The following ACP7 variants were observed in gnomAD, a reference collection of about 807,000 sequenced individuals.
ACP7 encodes acid phosphatase 7, tartrate resistant (putative), also known as acid phosphatase type 7.
In ACP7, 58 loss-of-function variants were observed where a neutral mutation model predicts 60.6. That is an observed-to-expected ratio of 0.96 (90% CI 0.77 to 1.19). The LOEUF (loss-of-function observed/expected upper bound fraction) is 1.19, where lower values mean the gene tolerates loss of function less well. ACP7 is among the 50% of genes most tolerant of loss of function. The probability of loss-of-function intolerance (pLI) is 0.00; values close to 1 mark genes in which losing one functional copy is unlikely to be tolerated. For missense variants in ACP7, 574 were observed against 596.2 expected (o/e 0.96, Z 0.39); for synonymous variants, 237 against 232.6 (o/e 1.02, Z -0.17).
chr19:39,084,448 C>G (rs939178969), intron 1 of ACP7, 48 bp downstream of exon 1: 1 of 152,016 alleles, frequency 6.6e-6, no homozygotes, highest in East Asian at 2.0e-4. Context: ...TGGTCCCGAC[C>G]CGGCTCCATC....
Position 39,106,985 on chromosome 19 carries a change from G to A in ACP7, c.1152G>A (p.Pro384=), listed in dbSNP as rs757080332. The A allele has an allele frequency of 8.7e-6, 14 of 1,613,858 alleles. No individual in the cohort carries two copies. Among genetic ancestry groups the A allele is most frequent in the African/African-American group, 2.7e-5 (2 of 74,906 alleles). The change falls in exon 12 of 13, where the codon CCG becomes CCA. Residue 384 remains proline (P), a synonymous_variant. Transcript: ENST00000331256. ...EERLTPFAVF[P]RPWSAVRVKE... is the part of the protein sequence containing the mutation. Reference sequence around the variant, plus strand: ...GGCTGACGCCCTTTGCTGTCTTCCCGAGGCCCTGGAGTGCCGTGCGTGTGA... The same window carrying A: ...GGCTGACGCCCTTTGCTGTCTTCCCAAGGCCCTGGAGTGCCGTGCGTGTGA...
Position 39,085,501 on chromosome 19 carries a change from C to T in ACP7, c.121+111C>T, listed in dbSNP as rs878998778. The T allele has an allele frequency of 1.3e-5, 18 of 1,335,858 alleles. No individual in the cohort carries two copies. The South Asian group carries it at 2.6e-4, about 19-fold the overall frequency. 82.8% of individuals were successfully genotyped at this position (1,335,858 alleles called of 1,614,324 possible). ...TGAGCCCCTAGGCGGGTGGCTCATT[C>T]CTCCTGAGCCTCCATCATCCACCTC... On this transcript the variant is annotated intron_variant, in intron 2 of 12. Transcript: ENST00000331256.
intron 2 of ACP7, among the ~76,000 whole-genome samples, chr19:39,089,388 T>A (rs967259305): frequency 3.9e-5 from 6 of 152,186 alleles, no homozygotes; most frequent in African/African-American, 1.4e-4. Context: ...CTTTTAAATT[T>A]TGTACTACTT....
At chr19:39,094,379 T>C (rs1389177320) in intron 2 of ACP7, among the ~76,000 whole-genome samples, 1 of 151,972 alleles carries the variant, frequency 6.6e-6, no homozygotes, top group African/African-American at 2.4e-5. Context: ...GGCACGCACC[T>C]GTAATCCCAG....
chr19:39,093,801 A>G (rs1419827281), intron 2 of ACP7, among the ~76,000 whole-genome samples: 1 of 152,180 alleles, frequency 6.6e-6, no homozygotes, highest in Non-Finnish European at 1.5e-5. Context: ...AGACACCTGC[A>G]TATTTTCTAT....
chr19:39,091,652 A>G (rs993817339), intron 2 of ACP7, among the ~76,000 whole-genome samples: 32 of 152,126 alleles, frequency 2.1e-4, no homozygotes, highest in Admixed American at 7.2e-4. Flanking sequence ...GGTTGGCCAC[A>G]GTGGCTCAGC....
intron 7 of ACP7, 47 bp from the exon 8 acceptor site, chr19:39,100,902 C>G: frequency 6.2e-7 from 1 of 1,609,932 alleles, no homozygotes; most frequent in South Asian, 1.1e-5. Flanking sequence ...CCCACCTCCC[C>G]CTCCACCCCT....
chr19:39,100,434 T>C, intron 5 of ACP7, 84 bp downstream of exon 5: 1 of 1,602,606 alleles, frequency 6.2e-7, no homozygotes, highest in Admixed American at 1.7e-5. Context: ...CTTGAGTCTC[T>C]CATGCTGCAA....
At chr19:39,092,769 CTCTT>C (rs2073217846) in intron 2 of ACP7, among the ~76,000 whole-genome samples, 1 of 122,854 alleles carries the variant, frequency 8.1e-6, no homozygotes, top group Non-Finnish European at 1.7e-5. Flanking sequence ...TTTCCCATTC[CTCTT>C]TTTTTTTTTT....
chr19:39,107,509 G>T (rs973382925), intron 12 of ACP7, among the ~76,000 whole-genome samples: 3 of 147,046 alleles, frequency 2.0e-5, no homozygotes, highest in African/African-American at 7.5e-5. Context: ...GCGTGAACCC[G>T]GGAGGCAGAG....
intron 11 of ACP7, among the ~76,000 whole-genome samples, chr19:39,101,955 A>T (rs1024328943): frequency 1.3e-5 from 2 of 151,680 alleles, no homozygotes; most frequent in Non-Finnish European, 2.9e-5. Context: ...AAAAAAAAAA[A>T]AAATTAAAAA....
intron 2 of ACP7, among the ~76,000 whole-genome samples, chr19:39,091,475 T>A (rs994037944): frequency 6.6e-6 from 1 of 152,166 alleles, no homozygotes; most frequent in African/African-American, 2.4e-5. Context: ...AGTTCCTTTT[T>A]ATTGGAGTAT....
At chr19:39,084,111 C>A (rs1200836160), upstream of ACP7, among the ~76,000 whole-genome samples, 1 of 152,122 alleles carries the variant, frequency 6.6e-6, no homozygotes, top group Non-Finnish European at 1.5e-5. Context: ...ACCTGGTGGC[C>A]GGCTCAGAGG....
chr19:39,085,977 G>T (rs574394491), intron 2 of ACP7, among the ~76,000 whole-genome samples: 191 of 152,248 alleles, frequency 1.3e-3, no homozygotes, highest in Non-Finnish European at 1.8e-3. Context: ...GGATAATGGG[G>T]TAATATTAGT....
chr19:39,098,664 A>G lies in ACP7; in HGVS notation c.322+6A>G, dbSNP rs750579159. 2.5e-6 allele frequency: 4 copies of G among 1,604,942 alleles called. No individual in the cohort carries two copies. The Admixed American group carries it at 6.8e-5, about 27-fold the overall frequency. ...GCTGCCAGGGGTTCAGTATGGTGAG[A>G]GGGGCCCCAGGCTGAGCTGTTGAGG... On this transcript the variant is annotated splice_donor_region_variant and intron_variant, in intron 3 of 12. Coordinates refer to ENST00000331256, the MANE Select transcript of ACP7 (RefSeq NM_001004318.3).
chr19:39,090,790 C>CTT (rs35453957), intron 2 of ACP7, among the ~76,000 whole-genome samples: 3,438 of 133,400 alleles, frequency 0.026, 115 homozygotes, highest in African/African-American at 0.082. Flanking sequence ...CTTCCCACTT[C>CTT]TTTTTTTTTT....
chr19:39,104,767 C>T lies in ACP7; in HGVS notation c.1114-2180C>T, dbSNP rs1272713215. Among the ~76,000 whole-genome samples the T allele has an allele frequency of 4.6e-5, 7 of 152,020 alleles. No homozygotes were observed. In the East Asian group the frequency reaches 1.4e-3, roughly 30 times the overall value. On this transcript the variant is annotated intron_variant, in intron 11 of 12. Coordinates refer to ENST00000331256, the MANE Select transcript of ACP7 (RefSeq NM_001004318.3). ...GGGCATGGTGGTGGGCACCTGTAAT[C>T]CCAGCTACTCAGGAGGGTGAGGCAG...
chr19:39,088,446 T>C (rs1006488797), intron 2 of ACP7, among the ~76,000 whole-genome samples: 1 of 152,132 alleles, frequency 6.6e-6, no homozygotes, highest in African/African-American at 2.4e-5. Context: ...TCTGTAAAAA[T>C]GGGAAAGGCA....
intron 12 of ACP7, among the ~76,000 whole-genome samples, chr19:39,109,010 T>TG (rs2073440672): frequency 6.6e-6 from 1 of 151,978 alleles, no homozygotes; most frequent in African/African-American, 2.4e-5. Context: ...TTAGTAGAGA[T>TG]GGGGTTTCAC....
Sources: gnomAD v4.1 joint callset for allele counts (sites outside exome capture counted in the v4.1 genomes callset) on GRCh38, gnomAD v4.1.1 for gene constraint, MANE v1.5 for transcripts, NCBI Gene and HGNC (gene_info 2026-07-23, HGNC 2026-07-21) for gene names.